Variants in KCNIP4 observed in about 807,000 individuals in gnomAD.
The protein encoded by KCNIP4 is Kv channel-interacting protein 4.
In KCNIP4, 12 loss-of-function variants were observed where a neutral mutation model predicts 34.0. The ratio of observed to expected loss-of-function variants is 0.35; its 90% CI spans 0.23 to 0.57. The LOEUF (loss-of-function observed/expected upper bound fraction) is 0.57, where lower values mean the gene tolerates loss of function less well. Among genes scored for constraint, KCNIP4 ranks in the 20% least tolerant of loss-of-function variants. The pLI, the probability that KCNIP4 is intolerant of heterozygous loss-of-function variation, is 0.83. For missense variants in KCNIP4, 238 were observed against 311.7 expected (o/e 0.76, Z 1.78); for synonymous variants, 124 against 102.2 (o/e 1.21, Z -1.29).
At chr4:21,488,317 C>G (rs184619726) in intron 1 of KCNIP4, among the ~76,000 whole-genome samples, 1 of 152,044 alleles carries the variant, frequency 6.6e-6, no homozygotes, top group Non-Finnish European at 1.5e-5. Context: ...TTTAATTGTT[C>G]GATTCCAGTA....
intron 1 of KCNIP4, among the ~76,000 whole-genome samples, chr4:21,051,169 C>T (rs1206302427): frequency 6.6e-6 from 1 of 152,224 alleles, no homozygotes; most frequent in Non-Finnish European, 1.5e-5. Context: ...GGCTTCCCTT[C>T]TTTGAGCATC....
chr4:21,407,304 C>T, intron 1 of KCNIP4, among the ~76,000 whole-genome samples: 1 of 152,080 alleles, frequency 6.6e-6, no homozygotes, highest in African/African-American at 2.4e-5. Flanking sequence ...ATAAATAAAC[C>T]ATCCAGGTTA....
At chr4:21,455,809 ATAT>A (rs1728886294) in intron 1 of KCNIP4, among the ~76,000 whole-genome samples, 1 of 7,746 alleles carries the variant, frequency 1.3e-4, no homozygotes. Context: ...ACAGATATTC[ATAT>A]ATATATATAT....
intron 1 of KCNIP4, among the ~76,000 whole-genome samples, chr4:20,891,388 C>T (rs528456153): frequency 2.0e-5 from 3 of 152,050 alleles, no homozygotes; most frequent in Non-Finnish European, 2.9e-5. Context: ...GGGCTGATCA[C>T]GAGGTTGGTA....
chr4:21,127,854 C>A (rs1032184706), intron 1 of KCNIP4, among the ~76,000 whole-genome samples: 8 of 152,184 alleles, frequency 5.3e-5, no homozygotes, highest in African/African-American at 1.7e-4. Context: ...AGCATGCTGT[C>A]CCTGCACAAT....
chr4:21,524,487 CT>C (rs550598855), intron 1 of KCNIP4, among the ~76,000 whole-genome samples: 6 of 152,116 alleles, frequency 3.9e-5, no homozygotes, highest in African/African-American at 9.6e-5. Context: ...GCCACTATGA[CT>C]TTTTTTTCTT....
At chr4:21,874,397 A>AC (rs1725978384) in intron 1 of KCNIP4, among the ~76,000 whole-genome samples, 1 of 152,166 alleles carries the variant, frequency 6.6e-6, no homozygotes, top group South Asian at 2.1e-4. Context: ...AAACTGCTTT[A>AC]CCTGGGTTCC....
chr4:21,898,298 C>T (rs1727513276), intron 1 of KCNIP4, among the ~76,000 whole-genome samples: 1 of 152,118 alleles, frequency 6.6e-6, no homozygotes, highest in Non-Finnish European at 1.5e-5. Flanking sequence ...AGCAAGATGC[C>T]AGCTAGAGCA....
intron 1 of KCNIP4, among the ~76,000 whole-genome samples, chr4:20,973,497 G>T (rs894713560): frequency 2.0e-5 from 3 of 152,178 alleles, no homozygotes; most frequent in Admixed American, 6.5e-5. Context: ...TCAGCAATAA[G>T]GCTGTTTTGC....
chr4:21,183,855 G>T (rs1352902551), intron 1 of KCNIP4, among the ~76,000 whole-genome samples: 1 of 151,926 alleles, frequency 6.6e-6, no homozygotes, highest in African/African-American at 2.4e-5. Context: ...GTAGATCTTA[G>T]CTCTAATGTC....
At chr4:21,234,084 CGT>C (rs1759046810) in intron 1 of KCNIP4, among the ~76,000 whole-genome samples, 1 of 82,634 alleles carries the variant, frequency 1.2e-5, no homozygotes, top group South Asian at 3.1e-4. Context: ...TAACATATAA[CGT>C]ATATTATATA....
intron 1 of KCNIP4, among the ~76,000 whole-genome samples, chr4:21,321,634 G>A (rs1184529633): frequency 3.3e-5 from 5 of 151,566 alleles, no homozygotes; most frequent in African/African-American, 1.2e-4. Flanking sequence ...ACAGGAGTAT[G>A]AGGAAGAAGA....
chr4:21,471,703 A>G (rs1434346974), intron 1 of KCNIP4, among the ~76,000 whole-genome samples: 1 of 152,174 alleles, frequency 6.6e-6, no homozygotes, highest in Non-Finnish European at 1.5e-5. Context: ...TGTGGAACAG[A>G]TATTCCCATT....
chr4:21,673,115 G>T (rs1238650555), intron 1 of KCNIP4, among the ~76,000 whole-genome samples: 1 of 152,220 alleles, frequency 6.6e-6, no homozygotes, highest in African/African-American at 2.4e-5. Flanking sequence ...TATGGGAGGA[G>T]AGTATAGGAA....
intron 1 of KCNIP4, among the ~76,000 whole-genome samples, chr4:21,562,650 A>G (rs1041207647): frequency 5.3e-5 from 8 of 152,008 alleles, no homozygotes; most frequent in Non-Finnish European, 1.2e-4. Context: ...CCAAAACAAA[A>G]ACTTTTTTTA....
chr4:21,854,936 C>T (rs1225529701), intron 1 of KCNIP4, among the ~76,000 whole-genome samples: 3 of 152,132 alleles, frequency 2.0e-5, no homozygotes, highest in Admixed American at 1.3e-4. Context: ...ATCATTAGGG[C>T]CTTTTCTTGT....
At chr4:21,033,506 C>G (rs1008143193) in intron 1 of KCNIP4, among the ~76,000 whole-genome samples, 4 of 152,182 alleles carry the variant, frequency 2.6e-5, no homozygotes, top group Non-Finnish European at 5.9e-5. Context: ...TAGGGGCATG[C>G]ATACTCTTCG....
intron 1 of KCNIP4, among the ~76,000 whole-genome samples, chr4:21,451,222 T>A (rs941006388): frequency 2.6e-5 from 4 of 152,128 alleles, no homozygotes; most frequent in African/African-American, 9.7e-5. Flanking sequence ...TCCTGAGTAA[T>A]GAGCAACGAG....
chr4:21,202,815 C>T (rs774144444), intron 1 of KCNIP4, among the ~76,000 whole-genome samples: 1 of 152,140 alleles, frequency 6.6e-6, no homozygotes, highest in Non-Finnish European at 1.5e-5. Flanking sequence ...CTGGCTGTGT[C>T]ACTCAATAGA....
Sources: gnomAD v4.1 joint callset for allele counts (sites outside exome capture counted in the v4.1 genomes callset) on GRCh38, gnomAD v4.1.1 for gene constraint, MANE v1.5 for transcripts, NCBI Gene and HGNC (gene_info 2026-07-23, HGNC 2026-07-21) for gene names.